SMNDC1: variants seen among roughly 807,000 people sequenced by gnomAD.
SMNDC1 encodes survival motor neuron domain containing 1, also known as survival of motor neuron-related-splicing factor 30.
SMNDC1 carries 5 observed loss-of-function variants against 29.2 expected under a neutral mutation model. That is an observed-to-expected ratio of 0.17 (90% confidence interval 0.09 to 0.36). The LOEUF (loss-of-function observed/expected upper bound fraction) is 0.36, where lower values mean the gene tolerates loss of function less well. Ranked by LOEUF, SMNDC1 falls within the 10% of genes least tolerant of loss-of-function variation. The pLI is 1.00. For synonymous variants in SMNDC1, 80 were observed against 89.9 expected (o/e 0.89, Z 0.62); for missense variants, 142 against 268.5 (o/e 0.53, Z 3.29).
At chr10:110,298,192 T>G (rs1240093387) in intron 3 of SMNDC1, among the ~76,000 whole-genome samples, 1 of 152,076 alleles carries the variant, frequency 6.6e-6, no homozygotes, top group East Asian at 1.9e-4. Flanking sequence ...TTTCACCATG[T>G]TGGTCAGGCT....
rs993816020 is a variant in SMNDC1, at chr10:110,293,836, G to C, written c.*314C>G. ...AATTTCAAGTTACAACTTACAAAAA[G>C]TACACACCATAGGTTAAGTAGGCGC... is the stretch of plus-strand genomic sequence containing the variant. On this transcript the variant is annotated 3_prime_UTR_variant, in exon 6 of 6. Coordinates refer to ENST00000369603, the MANE Select transcript of SMNDC1 (RefSeq NM_005871.4). The C allele has an allele frequency of 2.8e-5, 5 of 177,196 alleles. No homozygotes were observed. The East Asian group carries it at 7.5e-4, about 26-fold the overall frequency. 11.0% of individuals were successfully genotyped at this position (177,196 alleles called of 1,614,324 possible).
intron 3 of SMNDC1, 139 bp from the exon 4 acceptor site, chr10:110,297,867 T>C: frequency 1.4e-6 from 1 of 731,036 alleles, no homozygotes; most frequent in Non-Finnish European, 2.1e-6. Flanking sequence ...GCAAAGAGAA[T>C]ACAAAAGAGT....
intron 2 of SMNDC1, among the ~76,000 whole-genome samples, chr10:110,299,671 G>T (rs2134502510): frequency 6.6e-6 from 1 of 152,280 alleles, no homozygotes; most frequent in East Asian, 1.9e-4. Flanking sequence ...TTCACCCATT[G>T]TTGCATTTAA....
At chr10:110,304,632 G>A (rs547092000) in intron 1 of SMNDC1, 116 bp downstream of exon 1, 3 of 152,408 alleles carry the variant, frequency 2.0e-5, no homozygotes, top group East Asian at 1.9e-4. Flanking sequence ...CGGGATCCAG[G>A]GCCAGCGCCT....
rs1857533374 is a variant in SMNDC1, at chr10:110,294,050, C to T, written c.*100G>A. The T allele has an allele frequency of 1.1e-6, 1 of 935,648 alleles. No individual in the cohort carries two copies. The highest frequency in any genetic ancestry group is 2.8e-5 in the Admixed American group (1 of 35,674). The allele number at this position is 935,648 out of a possible 1,614,324, so 58.0% of individuals were successfully genotyped here. A position where few individuals can be genotyped will look rare whatever the true frequency, so the allele number is the denominator to read the frequency against. On this transcript the variant is annotated 3_prime_UTR_variant, in exon 6 of 6. Coordinates refer to ENST00000369603, the MANE Select transcript of SMNDC1 (RefSeq NM_005871.4). ...AGCCAACCAATGACGACAATGGTAT[C>T]TTGCTTACTCATCTAACAAATAATT...
At chr10:110,296,911 C>G (rs144984564) in intron 4 of SMNDC1, among the ~76,000 whole-genome samples, 293 of 152,296 alleles carry the variant, frequency 1.9e-3, no homozygotes, top group African/African-American at 7.0e-3. Flanking sequence ...ACAAGCTTTA[C>G]TAACACTTAT....
chr10:110,304,295 CCTT>C (rs975945930), intron 1 of SMNDC1: 2 of 152,252 alleles, frequency 1.3e-5, no homozygotes, highest in African/African-American at 4.8e-5. Flanking sequence ...GGACCCTTCT[CCTT>C]CGTAAAATTC....
intron 2 of SMNDC1, among the ~76,000 whole-genome samples, chr10:110,303,032 A>T (rs1439617454): frequency 6.6e-6 from 1 of 152,200 alleles, no homozygotes. Flanking sequence ...TGGGGAAAAA[A>T]AAAAGGCACG....
chr10:110,294,365 A>G (rs1857537747), intron 5 of SMNDC1, 78 bp from the exon 6 acceptor site: 4 of 1,209,574 alleles, frequency 3.3e-6, no homozygotes, highest in Non-Finnish European at 4.5e-6. Flanking sequence ...GTAATGTTAA[A>G]ATATATTCTG....
chr10:110,297,870 A>ACG (rs1491278875), intron 3 of SMNDC1, 142 bp from the exon 4 acceptor site: 1 of 724,440 alleles, frequency 1.4e-6, no homozygotes, highest in African/African-American at 1.8e-5. Flanking sequence ...AAGAGAATAC[A>ACG]AAAGAGTGGT....
At chr10:110,297,413 C>A (rs2134500538) in intron 4 of SMNDC1, among the ~76,000 whole-genome samples, 154 bp downstream of exon 4, 2 of 152,316 alleles carry the variant, frequency 1.3e-5, no homozygotes, top group South Asian at 4.1e-4. Flanking sequence ...CTTAGGCACA[C>A]TTACACAGAC....
At chr10:110,295,902 A>G (rs1336502351) in intron 4 of SMNDC1, among the ~76,000 whole-genome samples, 3 of 152,210 alleles carry the variant, frequency 2.0e-5, no homozygotes, top group Non-Finnish European at 2.9e-5. Context: ...TTGGCCTCCC[A>G]AAGTGTTGGG....
intron 4 of SMNDC1, among the ~76,000 whole-genome samples, chr10:110,295,616 AAGGT>A (rs1329303313): frequency 6.6e-6 from 1 of 151,278 alleles, no homozygotes; most frequent in Non-Finnish European, 1.5e-5. Context: ...TTACCCATAT[AAGGT>A]AAATATTTCA....
At chr10:110,299,879 G>T (rs965806007) in intron 2 of SMNDC1, among the ~76,000 whole-genome samples, 3 of 152,116 alleles carry the variant, frequency 2.0e-5, no homozygotes, top group Non-Finnish European at 4.4e-5. Flanking sequence ...TAAATCTCTT[G>T]AAGAAAGGTT....
In SMNDC1 at chr10:110,298,736, C is replaced by G; in HGVS notation, c.175G>C (p.Ala59Pro). Reference protein sequence around the residue: ...LLSTQPSETLASSDSFASTQP... With the variant: ...LLSTQPSETLPSSDSFASTQP... ...GTAGAAGCAAAACTGTCTGAACTTG[C>G]AAGCGTCTCAGAAGGTTGAGTTGAC... is the stretch of plus-strand genomic sequence containing the variant. Residue 59 changes from alanine (A) to proline (P), a missense_variant, in exon 3 of 6, where the codon GCA (alanine) becomes CCA (proline). Coordinates refer to ENST00000369603, the MANE Select transcript of SMNDC1 (RefSeq NM_005871.4). The G allele has an allele frequency of 6.2e-7, 1 of 1,613,706 alleles. No individual in the cohort carries two copies. The highest frequency in any genetic ancestry group is 8.5e-7 in the Non-Finnish European group (1 of 1,179,758).
In SMNDC1 at chr10:110,293,841, C is replaced by T. The variant is rs1050755; in HGVS notation, c.*309G>A. On this transcript the variant is annotated 3_prime_UTR_variant, in exon 6 of 6. Coordinates refer to ENST00000369603, the MANE Select transcript of SMNDC1 (RefSeq NM_005871.4). ...CAAGTTACAACTTACAAAAAGTACACACCATAGGTTAAGTAGGCGCCTGAT... is the reference window on the plus strand; with the variant it reads ...CAAGTTACAACTTACAAAAAGTACATACCATAGGTTAAGTAGGCGCCTGAT... The T allele has an allele frequency of 0.5, 90,892 of 180,782 alleles. 26,998 individuals are homozygous for T. The highest frequency in any genetic ancestry group is 0.84 in the East Asian group (5,786 of 6,912). The allele number at this position is 180,782 out of a possible 1,614,324, so 11.2% of individuals were successfully genotyped here.
chr10:110,295,148 C>A, intron 5 of SMNDC1, 80 bp downstream of exon 5: 2 of 1,325,292 alleles, frequency 1.5e-6, no homozygotes, highest in African/African-American at 1.5e-5. Flanking sequence ...TACAAAAAAT[C>A]TCCATCTCTT....
At chr10:110,301,511 T>C (rs910961093) in intron 2 of SMNDC1, among the ~76,000 whole-genome samples, 31 of 152,360 alleles carry the variant, frequency 2.0e-4, no homozygotes, top group Non-Finnish European at 1.5e-4. Flanking sequence ...CTGTTATTAC[T>C]ATCTGAAGTA....
chr10:110,303,592 G>C lies in SMNDC1; in HGVS notation c.1-5C>G, dbSNP rs992477347. ...CTTTGCTAAATCCTCTGACATCTAG[G>C]GAAAATAAAAAGGGTTAGACCATGA... On this transcript the variant is annotated splice_polypyrimidine_tract_variant and splice_region_variant and intron_variant, in intron 1 of 5. Coordinates refer to ENST00000369603, the MANE Select transcript of SMNDC1 (RefSeq NM_005871.4). The C allele has an allele frequency of 6.4e-7, 1 of 1,573,942 alleles. No individual in the cohort carries two copies. The highest frequency in any genetic ancestry group is 8.6e-7 in the Non-Finnish European group (1 of 1,166,298).
Sources: gnomAD v4.1 joint callset for allele counts (sites outside exome capture counted in the v4.1 genomes callset) on GRCh38, gnomAD v4.1.1 for gene constraint, MANE v1.5 for transcripts, NCBI Gene and HGNC (gene_info 2026-07-23, HGNC 2026-07-21) for gene names.